Variants in RBFOX1 observed in about 807,000 individuals in gnomAD.
The protein encoded by RBFOX1 is RNA binding protein fox-1 homolog 1.
Under a neutral mutation model 57.7 loss-of-function variants are expected in RBFOX1, and 8 were observed. The observed-to-expected ratio is 0.14, with a 90% CI of 0.08 to 0.25. The LOEUF (loss-of-function observed/expected upper bound fraction) is 0.25. Ranked by LOEUF, RBFOX1 falls within the 10% of genes least tolerant of loss-of-function variation. The pLI, the probability that RBFOX1 is intolerant of heterozygous loss-of-function variation, is 1.00. For synonymous variants in RBFOX1, 326 were observed against 222.4 expected (o/e 1.47, Z -4.15); for missense variants, 611 against 548.5 (o/e 1.11, Z -1.14).
At chr16:5,814,699 C>T (rs1014235800) in intron 3 of RBFOX1, among the ~76,000 whole-genome samples, 8 of 152,242 alleles carry the variant, frequency 5.3e-5, no homozygotes, top group South Asian at 2.1e-4. Context: ...GAGGCCGAGG[C>T]GGGTGGATCA....
intron 3 of RBFOX1, among the ~76,000 whole-genome samples, chr16:5,661,810 G>T (rs113715942): frequency 0.14 from 20,632 of 151,844 alleles, 1,622 homozygotes; most frequent in East Asian, 0.3. Context: ...TTTTGAGATG[G>T]AGTCTCACTC....
intron 3 of RBFOX1, among the ~76,000 whole-genome samples, chr16:6,950,728 G>T (rs1447765652): frequency 6.6e-6 from 1 of 152,160 alleles, no homozygotes; most frequent in Admixed American, 6.5e-5. Flanking sequence ...TGCTGGGAAA[G>T]GGAGGAGATT....
intron 2 of RBFOX1, among the ~76,000 whole-genome samples, chr16:5,566,630 ATG>A (rs2046080594): frequency 6.7e-6 from 1 of 148,900 alleles, no homozygotes; most frequent in African/African-American, 2.5e-5. Context: ...GTATGTATAT[ATG>A]TGTATATGTG....
intron 4 of RBFOX1, among the ~76,000 whole-genome samples, chr16:7,259,888 C>T (rs1456407003): frequency 6.6e-6 from 1 of 151,974 alleles, no homozygotes; most frequent in African/African-American, 2.4e-5. Context: ...ATATTGTAGG[C>T]CCTTGGTAAA....
At chr16:6,551,343 C>A (rs2096985900) in intron 2 of RBFOX1, among the ~76,000 whole-genome samples, 1 of 152,154 alleles carries the variant, frequency 6.6e-6, no homozygotes, top group Non-Finnish European at 1.5e-5. Flanking sequence ...TTACCAGCGG[C>A]ATCTCAGACT....
intron 3 of RBFOX1, among the ~76,000 whole-genome samples, chr16:5,790,822 C>T (rs1291371240): frequency 6.6e-6 from 1 of 151,846 alleles, no homozygotes; most frequent in Non-Finnish European, 1.5e-5. Flanking sequence ...CTCTTGTGGC[C>T]CTCTGCCCGT....
At chr16:6,252,694 G>A (rs2097627508) in intron 1 of RBFOX1, among the ~76,000 whole-genome samples, 1 of 152,186 alleles carries the variant, frequency 6.6e-6, no homozygotes, top group South Asian at 2.1e-4. Context: ...GACAACAGTG[G>A]CTTTGTAAAT....
At chr16:7,013,868 G>A (rs968860868) in intron 3 of RBFOX1, among the ~76,000 whole-genome samples, 10 of 152,132 alleles carry the variant, frequency 6.6e-5, no homozygotes, top group Admixed American at 6.5e-5. Flanking sequence ...ATGTTACCCA[G>A]GTCATTCTTG....
Position 6,542,173 on chromosome 16 carries a change from G to T in RBFOX1, c.-63-112430G>T, listed in dbSNP as rs150973162. On this transcript the variant is annotated intron_variant, in intron 2 of 15. Coordinates refer to ENST00000550418, the MANE Select transcript of RBFOX1 (RefSeq NM_018723.4). ...ACTCCTGGCCTCAAGTGATCTTCCT[G>T]CGTCTGCCTCTCAAAGTGCTGGGAT... Among the ~76,000 whole-genome samples the T allele has an allele frequency of 4.8e-4, 73 of 152,092 alleles. 1 individual carries two copies. The highest frequency in any genetic ancestry group is 6.8e-3 in the Middle Eastern group (2 of 294).
chr16:5,447,931 G>T lies in RBFOX1; in HGVS notation c.220-19285G>T, dbSNP rs375966470. On this transcript the variant is annotated intron_variant, in intron 1 of 2. Coordinates refer to the RBFOX1 transcript ENST00000585867. ...GCTCTGGCCTTTTCCCACTCATTCT[G>T]TGTAGAGTGACTGTGATTGGTTGTT... Among the ~76,000 whole-genome samples, 35 of 152,312 alleles carry T rather than the reference G, an allele frequency of 2.3e-4. 1 individual carries two copies. The East Asian group carries it at 6.6e-3, about 29-fold the overall frequency.
At chr16:6,219,649 C>T (rs753105182) in intron 1 of RBFOX1, among the ~76,000 whole-genome samples, 13 of 151,724 alleles carry the variant, frequency 8.6e-5, no homozygotes, top group Non-Finnish European at 1.3e-4. Context: ...CCGAGGTGGG[C>T]AGATCACTTG....
intron 4 of RBFOX1, among the ~76,000 whole-genome samples, chr16:7,364,575 C>CAA (rs1183081362): frequency 2.3e-4 from 12 of 52,460 alleles, no homozygotes; most frequent in East Asian, 5.5e-4. Flanking sequence ...TCAAGAAGAC[C>CAA]AAAAAAAAAA....
At chr16:5,726,116 A>G (rs778758212) in intron 3 of RBFOX1, among the ~76,000 whole-genome samples, 9 of 150,984 alleles carry the variant, frequency 6.0e-5, no homozygotes, top group East Asian at 1.9e-4. Context: ...TTTGGGTAGA[A>G]TGGGTTTCTC....
chr16:6,573,793 A>T (rs1214298898), intron 2 of RBFOX1: 2 of 152,178 alleles, frequency 1.3e-5, no homozygotes, highest in African/African-American at 4.8e-5. Context: ...TGCCGTTCAC[A>T]GCAGGCTCTC....
At chr16:5,893,755 A>G (rs756262603) in intron 4 of RBFOX1, among the ~76,000 whole-genome samples, 48 of 151,998 alleles carry the variant, frequency 3.2e-4, no homozygotes, top group Non-Finnish European at 5.7e-4. Context: ...GCAGTGAGCC[A>G]AGATTGCGCC....
chr16:5,997,876 A>G (rs8050294), intron 4 of RBFOX1, among the ~76,000 whole-genome samples: 14,383 of 152,190 alleles, frequency 0.095, 728 homozygotes, highest in South Asian at 0.14. Flanking sequence ...CTGATAGTCA[A>G]TCATTTGCTG....
chr16:6,946,797 G>A (rs12149084), intron 3 of RBFOX1, among the ~76,000 whole-genome samples: 90,630 of 151,856 alleles, frequency 0.6, 27,191 homozygotes, highest in Middle Eastern at 0.63. Context: ...TGCAGAGACA[G>A]GGTCTCACTG....
chr16:5,473,881 A>G (rs904016639), intron 2 of RBFOX1, among the ~76,000 whole-genome samples: 9 of 133,910 alleles, frequency 6.7e-5, no homozygotes, highest in Admixed American at 1.6e-4. Context: ...AGACAGATGT[A>G]AGGGGGGTGG....
intron 2 of RBFOX1, among the ~76,000 whole-genome samples, chr16:6,336,663 C>T (rs922270246): frequency 2.6e-5 from 4 of 152,082 alleles, no homozygotes; most frequent in Non-Finnish European, 5.9e-5. Context: ...GTCTCCTCAT[C>T]TCTGAAAGCC....
Sources: allele counts gnomAD v4.1 joint callset (sites outside exome capture counted in the v4.1 genomes callset), GRCh38; gene constraint gnomAD v4.1.1; transcripts MANE v1.5; gene names NCBI Gene and HGNC (gene_info 2026-07-23, HGNC 2026-07-21).